The following AFF4 variants were observed in gnomAD, a reference collection of about 807,000 sequenced individuals.
AFF4 encodes the protein ALF transcription elongation factor 4, also known as AF4/FMR2 family member 4.
A neutral mutation model predicts 124.8 loss-of-function variants in AFF4; 13 were observed. The ratio of observed to expected loss-of-function variants is 0.10; its 90% CI spans 0.07 to 0.17. AFF4 has a LOEUF of 0.17. Ranked by LOEUF, AFF4 falls within the 10% of genes least tolerant of loss-of-function variation. The pLI is 1.00. For synonymous variants in AFF4, 477 were observed against 496.1 expected, an observed-to-expected ratio of 0.96 and a Z score of 0.51; for missense variants, 1,092 against 1,403.8, an observed-to-expected ratio of 0.78 and a Z score of 3.55.
At chr5:132,914,471 T>G (rs998229443) in intron 5 of AFF4, among the ~76,000 whole-genome samples, 1 of 151,488 alleles carries the variant, frequency 6.6e-6, no homozygotes, top group Non-Finnish European at 1.5e-5. Context: ...CATGGTGGCA[T>G]GTGCCTGTAA....
chr5:132,903,126 A>T (rs1760590975), intron 6 of AFF4, among the ~76,000 whole-genome samples: 1 of 152,242 alleles, frequency 6.6e-6, no homozygotes, highest in Admixed American at 6.5e-5. Flanking sequence ...ACGACTAGGG[A>T]AAACAAGCTG....
rs982424936 is a variant in AFF4, at chr5:132,880,942, G to A, written c.*117C>T. ...CAAAAACAACAACACATGAACCAAC[G>A]AGGAGAAAACTATTCCTCATTCTTA... On this transcript the variant is annotated 3_prime_UTR_variant, in exon 21 of 21. Coordinates refer to ENST00000265343, the MANE Select transcript of AFF4 (RefSeq NM_014423.4). The A allele has an allele frequency of 3.2e-5, 43 of 1,326,822 alleles. No individual in the cohort carries two copies. Among genetic ancestry groups the A allele is most frequent in the Non-Finnish European group, 4.2e-5 (41 of 979,364 alleles). 82.2% of individuals were successfully genotyped at this position (1,326,822 alleles called of 1,614,324 possible).
intron 4 of AFF4, among the ~76,000 whole-genome samples, chr5:132,931,038 C>A (rs552619964): frequency 6.9e-6 from 1 of 145,434 alleles, no homozygotes; most frequent in Non-Finnish European, 1.5e-5. Context: ...ACCTGCGAGG[C>A]GGAGGTTGCA....
At chr5:132,950,293 T>A (rs548389811) in intron 1 of AFF4, among the ~76,000 whole-genome samples, 3 of 151,754 alleles carry the variant, frequency 2.0e-5, no homozygotes, top group African/African-American at 4.8e-5. Context: ...CTGACCAACA[T>A]GGAGAAACCC....
intron 14 of AFF4, 94 bp downstream of exon 14, chr5:132,888,985 C>A: frequency 8.2e-7 from 1 of 1,214,528 alleles, no homozygotes; most frequent in Admixed American, 1.8e-5. Flanking sequence ...CGTGAGCCAC[C>A]GCGCCCGGCC....
intron 1 of AFF4, chr5:132,937,541 C>T (rs1273449959): frequency 1.9e-5 from 3 of 160,544 alleles, no homozygotes; most frequent in Non-Finnish European, 2.7e-5. Context: ...CCTTTTGGGC[C>T]CTCCTCTTCA....
intron 11 of AFF4, among the ~76,000 whole-genome samples, chr5:132,893,618 A>C (rs1340486472): frequency 1.3e-5 from 2 of 152,036 alleles, no homozygotes; most frequent in African/African-American, 4.8e-5. Flanking sequence ...CCCAGGTTCA[A>C]GCGATTCTCC....
Position 132,893,083 on chromosome 5 carries a change from T to C in AFF4, c.2343A>G (p.Lys781=). Residue 781 remains lysine, a synonymous_variant, in exon 12 of 21, where the codon AAA becomes AAG. Coordinates refer to ENST00000265343, the MANE Select transcript of AFF4 (RefSeq NM_014423.4). ...CTGAATTCTTGTCCTCCGTTTTGGGTTTCTTGCTCTCACTGGCTCGGTTAT... is the reference window on the plus strand; with the variant it reads ...CTGAATTCTTGTCCTCCGTTTTGGGCTTCTTGCTCTCACTGGCTCGGTTAT... ...EDDNRASESK[K]PKTEDKNSAG... is the part of the protein sequence containing the mutation. The C allele has an allele frequency of 6.2e-7, 1 of 1,614,160 alleles. No homozygotes were observed. The highest frequency in any genetic ancestry group is 8.5e-7 in the Non-Finnish European group (1 of 1,180,002).
intron 4 of AFF4, among the ~76,000 whole-genome samples, chr5:132,929,785 T>A (rs988671309): frequency 3.3e-5 from 5 of 152,066 alleles, no homozygotes; most frequent in African/African-American, 9.7e-5. Context: ...CCACTGAAAA[T>A]TTTTAGGGAA....
chr5:132,948,491 G>A (rs73788237), intron 1 of AFF4: 3,074 of 152,884 alleles, frequency 0.02, 82 homozygotes, highest in African/African-American at 0.055. Context: ...CAAACACAGC[G>A]TTATCATGGC....
In AFF4 at chr5:132,932,161, T is replaced by C. The variant is rs765614982; in HGVS notation, c.963+17A>G. 1.9e-6 allele frequency: 3 copies of C among 1,572,454 alleles called. No homozygotes were observed. In the South Asian group the frequency reaches 3.6e-5, roughly 19 times the overall value. ...AAAAATTAAAGAAATTGAAATGATT[T>C]TTTTTAAAAAACTTACTTTTAGGAT... On this transcript the variant is annotated intron_variant, in intron 4 of 20. Coordinates refer to ENST00000265343, the MANE Select transcript of AFF4 (RefSeq NM_014423.4).
intron 20 of AFF4, 123 bp downstream of exon 20, chr5:132,883,217 C>G (rs1760029492): frequency 1.0e-6 from 1 of 954,246 alleles, no homozygotes; most frequent in South Asian, 1.8e-5. Flanking sequence ...AGACTATTAA[C>G]AAACAGATTA....
At chr5:132,900,872 C>G (rs1760533877) in intron 7 of AFF4, 2 of 982,460 alleles carry the variant, frequency 2.0e-6, no homozygotes, top group Non-Finnish European at 2.4e-6. Flanking sequence ...ATTCCATTAC[C>G]TTTCTTAAAA....
Position 132,883,226 on chromosome 5 carries a change from T to C in AFF4, c.3364+114A>G, listed in dbSNP as rs1760029799. On this transcript the variant is annotated intron_variant, in intron 20 of 20. Transcript: ENST00000265343. ...CAATGAAGACTATTAACAAACAGAT[T>C]ATCATTAACTCTAAATAATAAAACT... 7.0e-6 allele frequency: 7 copies of C among 998,160 alleles called. No homozygotes were observed. In the South Asian group the frequency reaches 1.2e-4, roughly 17 times the overall value. 61.8% of individuals were successfully genotyped at this position (998,160 alleles called of 1,614,324 possible). A position where few individuals can be genotyped will look rare whatever the true frequency, so the allele number is the denominator to read the frequency against.
At chr5:132,927,287 TAAATA>T in intron 4 of AFF4, 80 bp from the exon 5 acceptor site, 1 of 1,216,980 alleles carries the variant, frequency 8.2e-7, no homozygotes, top group Non-Finnish European at 1.2e-6. Context: ...TTTGTATTTA[TAAATA>T]CTGGTTTCAT....
intron 20 of AFF4, 128 bp downstream of exon 20, chr5:132,883,212 A>G: frequency 5.6e-6 from 5 of 897,034 alleles, no homozygotes; most frequent in Non-Finnish European, 6.6e-6. Flanking sequence ...AATGAAGACT[A>G]TTAACAAACA....
intron 20 of AFF4, 117 bp from the exon 21 acceptor site, chr5:132,881,303 C>G (rs994892618): frequency 2.8e-6 from 3 of 1,077,184 alleles, no homozygotes; most frequent in Non-Finnish European, 3.9e-6. Flanking sequence ...TCCTCCTACA[C>G]TAAAATGCTT....
intron 1 of AFF4, among the ~76,000 whole-genome samples, chr5:132,940,982 G>A (rs1009117415): frequency 1.3e-5 from 2 of 151,380 alleles, no homozygotes; most frequent in African/African-American, 4.9e-5. Flanking sequence ...AGCTGAGATT[G>A]CATCACTGAA....
intron 1 of AFF4, among the ~76,000 whole-genome samples, chr5:132,958,236 C>A (rs1762004283): frequency 6.6e-6 from 1 of 151,778 alleles, no homozygotes; most frequent in South Asian, 2.1e-4. Flanking sequence ...CCCATAGTAG[C>A]TGCATAACAA....
Sources: gnomAD v4.1 joint callset for allele counts (sites outside exome capture counted in the v4.1 genomes callset) on GRCh38, gnomAD v4.1.1 for gene constraint, MANE v1.5 for transcripts, NCBI Gene and HGNC (gene_info 2026-07-23, HGNC 2026-07-21) for gene names.